SORCS2: variants seen among roughly 807,000 people sequenced by gnomAD.
The protein encoded by SORCS2 is VPS10 domain-containing receptor SorCS2.
In SORCS2, 100 loss-of-function variants were observed where a neutral mutation model predicts 141.6. The observed-to-expected ratio is 0.71, with a 90% CI of 0.60 to 0.83. The LOEUF (loss-of-function observed/expected upper bound fraction) is 0.83, where lower values mean the gene tolerates loss of function less well. Among genes scored for constraint, SORCS2 ranks in the 40% least tolerant of loss-of-function variants. The pLI, the probability that SORCS2 is intolerant of heterozygous loss-of-function variation, is 0.00. For missense variants in SORCS2, 1,646 were observed against 1,560.2 expected (o/e 1.05, Z -0.93); for synonymous variants, 789 against 676.9 (o/e 1.17, Z -2.57).
chr4:7,340,392 G>A (rs1248207796), intron 1 of SORCS2, among the ~76,000 whole-genome samples: 1 of 152,254 alleles, frequency 6.6e-6, no homozygotes, highest in Non-Finnish European at 1.5e-5. Context: ...CAGGCAGACA[G>A]GGATGGCTGG....
At chr4:7,528,685 G>A (rs1733849113) in intron 2 of SORCS2, among the ~76,000 whole-genome samples, 1 of 152,198 alleles carries the variant, frequency 6.6e-6, no homozygotes. Flanking sequence ...GAAGTGCTGG[G>A]ATTACAGGCA....
Position 7,434,728 on chromosome 4 carries a change from C to A in SORCS2, c.548+38373C>A, listed in dbSNP as rs1466795763. 11 of 1,613,034 alleles carry A rather than the reference C, an allele frequency of 6.8e-6. No individual in the cohort carries two copies. In the African/African-American group the frequency reaches 1.2e-4, roughly 18 times the overall value. On this transcript the variant is annotated intron_variant, in intron 2 of 26. Transcript: ENST00000507866. ...CGCGGTGGGTTTGTTCCATACGGCC[C>A]CTTGGCAGTACCCCACAGCCCCGCA...
intron 1 of SORCS2, among the ~76,000 whole-genome samples, chr4:7,297,851 C>G (rs540672891): frequency 9.9e-5 from 15 of 152,276 alleles, no homozygotes; most frequent in Admixed American, 2.6e-4. Flanking sequence ...TGTGCTGGCC[C>G]CACCGTCCAG....
chr4:7,517,912 A>T (rs1348341899), intron 2 of SORCS2, among the ~76,000 whole-genome samples: 1 of 152,234 alleles, frequency 6.6e-6, no homozygotes, highest in Non-Finnish European at 1.5e-5. Context: ...GATTTGAAAA[A>T]GTTCAGCCTA....
At chr4:7,404,162 A>G (rs1228709789) in intron 2 of SORCS2, among the ~76,000 whole-genome samples, 1 of 151,814 alleles carries the variant, frequency 6.6e-6, no homozygotes, top group Non-Finnish European at 1.5e-5. Context: ...ATGTTGCTGC[A>G]GAAGACATGA....
At chr4:7,357,809 G>A (rs535354441) in intron 1 of SORCS2, among the ~76,000 whole-genome samples, 35 of 152,238 alleles carry the variant, frequency 2.3e-4, no homozygotes, top group African/African-American at 7.7e-4. Context: ...TGAGGGCCTC[G>A]GGCCTTCTCC....
chr4:7,334,959 T>TGGAG (rs1483179707), intron 1 of SORCS2, among the ~76,000 whole-genome samples: 2 of 151,674 alleles, frequency 1.3e-5, no homozygotes, highest in African/African-American at 2.4e-5. Flanking sequence ...GAGACGGGTG[T>TGGAG]GGAGGGAGGG....
At chr4:7,430,687 G>A (rs1387549262) in intron 2 of SORCS2, 4 of 152,256 alleles carry the variant, frequency 2.6e-5, no homozygotes, top group African/African-American at 9.6e-5. Context: ...CTCAACATCT[G>A]TCTTGATTTC....
intron 2 of SORCS2, among the ~76,000 whole-genome samples, chr4:7,517,102 T>C (rs1733036749): frequency 6.6e-6 from 1 of 152,222 alleles, no homozygotes; most frequent in South Asian, 2.1e-4. Context: ...TGATTACTAC[T>C]ACAGCCACCC....
At chr4:7,210,711 G>A (rs886680436) in intron 1 of SORCS2, among the ~76,000 whole-genome samples, 16 of 152,202 alleles carry the variant, frequency 1.1e-4, no homozygotes, top group African/African-American at 3.9e-4. Context: ...GTAAAATGCA[G>A]GTGTATGGTG....
chr4:7,211,879 T>C (rs949621632), intron 1 of SORCS2, among the ~76,000 whole-genome samples: 2 of 152,142 alleles, frequency 1.3e-5, no homozygotes, highest in Admixed American at 6.5e-5. Context: ...CCTTTTACTC[T>C]CTCCCCACCT....
At chr4:7,701,073 C>G (rs529871150) in intron 12 of SORCS2, among the ~76,000 whole-genome samples, 26 of 152,212 alleles carry the variant, frequency 1.7e-4, no homozygotes, top group Non-Finnish European at 3.5e-4. Flanking sequence ...TGATGGGCAG[C>G]AGCACCCCCA....
chr4:7,207,541 G>A (rs1285890829), intron 1 of SORCS2, among the ~76,000 whole-genome samples: 1 of 152,170 alleles, frequency 6.6e-6, no homozygotes, highest in African/African-American at 2.4e-5. Flanking sequence ...CTCCAGGCCT[G>A]GGTTCCCTCA....
At chr4:7,474,266 C>G (rs1730153353) in intron 2 of SORCS2, among the ~76,000 whole-genome samples, 1 of 152,252 alleles carries the variant, frequency 6.6e-6, no homozygotes, top group South Asian at 2.1e-4. Flanking sequence ...TCTCCAGAAA[C>G]AGCAGGCTGG....
chr4:7,641,252 G>T (rs1720710002), intron 4 of SORCS2, among the ~76,000 whole-genome samples: 1 of 152,224 alleles, frequency 6.6e-6, no homozygotes, highest in Non-Finnish European at 1.5e-5. Flanking sequence ...TTGACTCAAA[G>T]TTCCACATGG....
intron 2 of SORCS2, among the ~76,000 whole-genome samples, chr4:7,463,047 CA>C (rs1303431245): frequency 6.6e-6 from 1 of 151,960 alleles, no homozygotes; most frequent in Non-Finnish European, 1.5e-5. Flanking sequence ...AACAGCCCCA[CA>C]AAGGCCCCTC....
intron 1 of SORCS2, among the ~76,000 whole-genome samples, chr4:7,215,984 C>T (rs61402473): frequency 0.31 from 47,414 of 150,786 alleles, 8,149 homozygotes; most frequent in Non-Finnish European, 0.39. Flanking sequence ...GGTCCCCTTC[C>T]ACACTGTGGA....
chr4:7,673,846 C>A (rs555216133), intron 8 of SORCS2, among the ~76,000 whole-genome samples: 31 of 152,224 alleles, frequency 2.0e-4, no homozygotes, highest in African/African-American at 6.7e-4. Context: ...TAATCTCAGT[C>A]CCCCCACCAC....
intron 6 of SORCS2, among the ~76,000 whole-genome samples, chr4:7,662,056 C>A (rs1187474513): frequency 6.6e-6 from 1 of 152,194 alleles, no homozygotes; most frequent in African/African-American, 2.4e-5. Flanking sequence ...GGCATCAGCT[C>A]CCAGCCCTGC....
Sources: allele counts gnomAD v4.1 joint callset (sites outside exome capture counted in the v4.1 genomes callset), GRCh38; gene constraint gnomAD v4.1.1; transcripts MANE v1.5; gene names NCBI Gene and HGNC (gene_info 2026-07-23, HGNC 2026-07-21).